PAFAH1B1: variants seen among roughly 807,000 people sequenced by gnomAD.
PAFAH1B1 encodes the protein platelet activating factor acetylhydrolase 1b regulatory subunit 1, also known as platelet-activating factor acetylhydrolase IB subunit beta.
A neutral mutation model predicts 57.5 loss-of-function variants in PAFAH1B1; 2 were observed. That is an observed-to-expected ratio of 0.03 (90% CI 0.01 to 0.11). The LOEUF (loss-of-function observed/expected upper bound fraction) is 0.11. Among genes scored for constraint, PAFAH1B1 ranks in the 10% least tolerant of loss-of-function variants. PAFAH1B1 has a pLI of 1.00. For missense variants in PAFAH1B1, 257 were observed against 512.0 expected (o/e 0.50, Z 4.81); for synonymous variants, 152 against 169.6 (o/e 0.90, Z 0.81).
intron 2 of PAFAH1B1, among the ~76,000 whole-genome samples, chr17:2,657,161 A>C (rs568928713): frequency 7.9e-5 from 12 of 152,226 alleles, no homozygotes; most frequent in African/African-American, 2.9e-4. Context: ...GGTTTGAGAG[A>C]TTTCTTTTTT....
chr17:2,599,128 G>A (rs931634654), intron 1 of PAFAH1B1, among the ~76,000 whole-genome samples: 13 of 152,140 alleles, frequency 8.5e-5, no homozygotes, highest in African/African-American at 2.7e-4. Context: ...TGTCATAAAC[G>A]TTTCTCTAGA....
At chr17:2,654,417 C>T (rs1310615338) in intron 2 of PAFAH1B1, among the ~76,000 whole-genome samples, 2 of 151,850 alleles carry the variant, frequency 1.3e-5, no homozygotes, top group South Asian at 2.1e-4. Context: ...CTCAGGTGAT[C>T]GCCCGCCTCA....
At chr17:2,632,697 T>C (rs542956685) in intron 1 of PAFAH1B1, among the ~76,000 whole-genome samples, 5 of 152,362 alleles carry the variant, frequency 3.3e-5, no homozygotes, top group African/African-American at 1.2e-4. Context: ...TAATACATTA[T>C]AACAACTATT....
At chr17:2,649,360 A>T (rs2068817760) in intron 2 of PAFAH1B1, among the ~76,000 whole-genome samples, 1 of 151,932 alleles carries the variant, frequency 6.6e-6, no homozygotes, top group African/African-American at 2.4e-5. Flanking sequence ...ATCACCTAAG[A>T]TAAGGAGTTC....
chr17:2,680,079 T>A (rs2151673713), intron 9 of PAFAH1B1, 85 bp from the exon 10 acceptor site: 1 of 1,173,830 alleles, frequency 8.5e-7, no homozygotes, highest in Middle Eastern at 2.8e-4. Context: ...ATGTTTTTGG[T>A]ATGTATAGTT....
At chr17:2,646,491 A>G (rs1347434830) in intron 2 of PAFAH1B1, among the ~76,000 whole-genome samples, 1 of 152,074 alleles carries the variant, frequency 6.6e-6, no homozygotes, top group Non-Finnish European at 1.5e-5. Flanking sequence ...CATCTCTACT[A>G]AAAATACAAA....
chr17:2,597,086 C>T (rs1013921549), intron 1 of PAFAH1B1, among the ~76,000 whole-genome samples: 11 of 152,040 alleles, frequency 7.2e-5, no homozygotes, highest in Non-Finnish European at 1.5e-4. Context: ...ACCCCACACA[C>T]TGAGTGGTGA....
At chr17:2,676,678 A>G (rs1031864619) in intron 9 of PAFAH1B1, 72 bp downstream of exon 9, 3 of 875,168 alleles carry the variant, frequency 3.4e-6, no homozygotes, top group African/African-American at 3.3e-5. Flanking sequence ...ATGCTTTATG[A>G]TATCTTAAAT....
intron 2 of PAFAH1B1, among the ~76,000 whole-genome samples, chr17:2,655,873 G>A (rs1253225077): frequency 1.3e-5 from 2 of 152,098 alleles, no homozygotes; most frequent in Non-Finnish European, 2.9e-5. Context: ...TCTATTTTCT[G>A]TGTGGAGTTG....
At chr17:2,633,216 G>A (rs1400340962) in intron 1 of PAFAH1B1, among the ~76,000 whole-genome samples, 1 of 150,082 alleles carries the variant, frequency 6.7e-6, no homozygotes, top group Non-Finnish European at 1.5e-5. Context: ...TGTTGCCAGG[G>A]CAGTGCAGTG....
chr17:2,623,333 G>A (rs2068448264), intron 1 of PAFAH1B1, among the ~76,000 whole-genome samples: 2 of 135,544 alleles, frequency 1.5e-5, no homozygotes, highest in Non-Finnish European at 3.0e-5. Flanking sequence ...GCAGTGGCAT[G>A]ATCTTGGCTC....
At chr17:2,642,093 C>G (rs2068702723) in intron 2 of PAFAH1B1, 1 of 152,158 alleles carries the variant, frequency 6.6e-6, no homozygotes, top group Non-Finnish European at 1.5e-5. Flanking sequence ...AATCATTAGG[C>G]TACAGTGATG....
intron 1 of PAFAH1B1, among the ~76,000 whole-genome samples, chr17:2,620,673 C>G (rs1342511019): frequency 6.6e-6 from 1 of 152,032 alleles, no homozygotes; most frequent in Non-Finnish European, 1.5e-5. Context: ...ACCATCCTGG[C>G]CAACATGGTA....
chr17:2,651,898 A>G (rs2151645304), intron 2 of PAFAH1B1, among the ~76,000 whole-genome samples: 1 of 152,274 alleles, frequency 6.6e-6, no homozygotes, highest in East Asian at 1.9e-4. Flanking sequence ...TTTGTTGTAT[A>G]TTCTGTTGGT....
intron 4 of PAFAH1B1, among the ~76,000 whole-genome samples, chr17:2,666,552 A>C (rs1474685717): frequency 6.6e-6 from 1 of 152,252 alleles, no homozygotes; most frequent in Non-Finnish European, 1.5e-5. Flanking sequence ...CATCATATAA[A>C]GCTCTTAGAA....
chr17:2,629,372 GTTAT>G (rs1011624396), intron 1 of PAFAH1B1, among the ~76,000 whole-genome samples: 64 of 152,110 alleles, frequency 4.2e-4, no homozygotes, highest in African/African-American at 1.5e-3. Context: ...TCAGGAACAG[GTTAT>G]TTAATTTCCA....
At chr17:2,679,466 ATGG>A (rs2069332974) in intron 9 of PAFAH1B1, among the ~76,000 whole-genome samples, 1 of 4,532 alleles carries the variant, frequency 2.2e-4, no homozygotes, top group Middle Eastern at 0.083. Flanking sequence ...GATTGGATGG[ATGG>A]ATGGATGATT....
intron 1 of PAFAH1B1, among the ~76,000 whole-genome samples, chr17:2,612,453 C>T (rs2068278542): frequency 6.6e-6 from 1 of 152,002 alleles, no homozygotes; most frequent in Admixed American, 6.6e-5. Context: ...GGTGATCTGC[C>T]CGCCTCAGCC....
intron 1 of PAFAH1B1, among the ~76,000 whole-genome samples, chr17:2,600,589 A>G (rs1221685715): frequency 6.7e-5 from 10 of 148,176 alleles, no homozygotes; most frequent in Non-Finnish European, 1.2e-4. Context: ...AAAAAAAACC[A>G]AAAAAAGAAA....
Sources: allele counts gnomAD v4.1 joint callset (sites outside exome capture counted in the v4.1 genomes callset), GRCh38; gene constraint gnomAD v4.1.1; transcripts MANE v1.5; gene names NCBI Gene and HGNC (gene_info 2026-07-23, HGNC 2026-07-21).